Variants in AKR1C2 observed in about 807,000 individuals in gnomAD.
AKR1C2 encodes the protein aldo-keto reductase family 1 member C2.
In AKR1C2, 27 loss-of-function variants were observed where a neutral mutation model predicts 39.8. That is an observed-to-expected ratio of 0.68 (90% CI 0.50 to 0.93). The LOEUF (loss-of-function observed/expected upper bound fraction) is 0.93, where lower values mean the gene tolerates loss of function less well. Among genes scored for constraint, AKR1C2 ranks in the 40% least tolerant of loss-of-function variants. AKR1C2 has a pLI of 0.00. For missense variants in AKR1C2, 263 were observed against 365.1 expected (o/e 0.72, Z 2.28); for synonymous variants, 114 against 137.9 (o/e 0.83, Z 1.22).
upstream of AKR1C2, among the ~76,000 whole-genome samples, chr10:5,006,899 G>C (rs1335126614): frequency 2.5e-4 from 38 of 151,294 alleles, no homozygotes; most frequent in African/African-American, 8.3e-4. Flanking sequence ...TCAGCCTCCT[G>C]AGTAGCTGGG....
chr10:4,990,917 A>G (rs1836818901), intron 8 of AKR1C2, among the ~76,000 whole-genome samples: 1 of 151,302 alleles, frequency 6.6e-6, no homozygotes, highest in Admixed American at 6.6e-5. Flanking sequence ...ATAAAATACT[A>G]CTAATAATAT....
Position 4,999,225 on chromosome 10 carries a change from G to T in AKR1C2, c.422C>A (p.Thr141Lys), listed in dbSNP as rs781923006. The change falls in exon 4 of 9, where the codon ACA (threonine) becomes AAA (lysine). Residue 141 changes from threonine (T) to lysine (K), a missense_variant. By Grantham distance (78) the Thr-to-Lys change is moderately conservative. Transcript: ENST00000380753. ...CTCCCATGTGGCACAGAGATCCACT[G>T]TGTCAAATAGTATTTTTCCATTTTC... ...KDENGKILFD[T>K]VDLCATWEAM... 1 of 1,608,170 alleles carries T rather than the reference G, an allele frequency of 6.2e-7. No individual in the cohort carries two copies. The highest frequency in any genetic ancestry group is 1.7e-5 in the Admixed American group (1 of 59,084).
chr10:5,016,490 C>A (rs781786238), intron 1 of AKR1C2, among the ~76,000 whole-genome samples: 54 of 152,222 alleles, frequency 3.5e-4, no homozygotes, highest in Non-Finnish European at 5.6e-4. Flanking sequence ...CTCCATGTCT[C>A]ATATCAAGGC....
chr10:4,996,341 T>G (rs577597857), intron 5 of AKR1C2, among the ~76,000 whole-genome samples: 1 of 151,824 alleles, frequency 6.6e-6, no homozygotes, highest in East Asian at 1.9e-4. Context: ...TATATCTATA[T>G]AGATGAACTA....
chr10:5,012,128 C>T (rs1262563944), intron 1 of AKR1C2, among the ~76,000 whole-genome samples: 1 of 151,918 alleles, frequency 6.6e-6, no homozygotes, highest in African/African-American at 2.4e-5. Flanking sequence ...GATATCAGAG[C>T]TAAGGAACAG....
chr10:5,006,004 G>A (rs537831044), upstream of AKR1C2: 4 of 152,298 alleles, frequency 2.6e-5, no homozygotes, highest in Admixed American at 1.3e-4. Context: ...TGAGCAGGAT[G>A]AAGATATAAT....
intron 8 of AKR1C2, among the ~76,000 whole-genome samples, chr10:4,990,779 A>G (rs1461787020): frequency 1.3e-5 from 2 of 152,056 alleles, no homozygotes; most frequent in African/African-American, 2.4e-5. Context: ...TGAGTTCTAC[A>G]AAATAACACT....
At chr10:4,990,578 C>T (rs1350107550) in intron 8 of AKR1C2, among the ~76,000 whole-genome samples, 1 of 151,914 alleles carries the variant, frequency 6.6e-6, no homozygotes, top group Non-Finnish European at 1.5e-5. Flanking sequence ...TGTTATAGGG[C>T]CCAATATTCA....
At chr10:4,993,982 CAATT>C (rs1264358922) in intron 7 of AKR1C2, among the ~76,000 whole-genome samples, 2 of 151,650 alleles carry the variant, frequency 1.3e-5, no homozygotes, top group African/African-American at 2.4e-5. Flanking sequence ...CTAGATTCAT[CAATT>C]GTTTCATTAT....
intron 7 of AKR1C2, among the ~76,000 whole-genome samples, chr10:4,994,538 G>C (rs1277058295): frequency 6.6e-6 from 1 of 152,136 alleles, no homozygotes; most frequent in East Asian, 1.9e-4. Flanking sequence ...AAAAGGCTTT[G>C]CACATGTCCA....
Position 5,003,819 on chromosome 10 carries a change from T to C in AKR1C2, c.17A>G (p.Gln6Arg), listed in dbSNP as rs1391527967. 6 of 1,614,010 alleles carry C rather than the reference T, an allele frequency of 3.7e-6. No individual in the cohort carries two copies. The highest frequency in any genetic ancestry group is 5.1e-6 in the Non-Finnish European group (6 of 1,179,992). Residue 6 changes from glutamine to arginine, a missense_variant, in exon 1 of 9, where the codon CAG becomes CGG. Physicochemically the swap from Gln to Arg is conservative, Grantham distance 43. This residue lies in a region of AKR1C2 where 247 missense variants were observed against 267.9 expected (regional missense o/e 0.92). Coordinates refer to ENST00000380753, the MANE Select transcript of AKR1C2 (RefSeq NM_001393392.1). Reference sequence around the variant, plus strand: ...GTGACCATCATTCAGCTTCACACACTGGTATTTCGAATCCATTTCTGTCAC... The same window carrying C: ...GTGACCATCATTCAGCTTCACACACCGGTATTTCGAATCCATTTCTGTCAC... MDSKYQCVKLNDGHFM... is the reference protein window; with the variant it reads MDSKYRCVKLNDGHFM...
intron 5 of AKR1C2, among the ~76,000 whole-genome samples, 181 bp downstream of exon 5, chr10:4,998,444 T>G (rs1554773390): frequency 6.6e-6 from 1 of 152,228 alleles, no homozygotes; most frequent in Non-Finnish European, 1.5e-5. Context: ...CAACACCTTT[T>G]CGTAAGACTT....
At chr10:5,012,044 A>G (rs1365017716) in intron 1 of AKR1C2, among the ~76,000 whole-genome samples, 4 of 152,104 alleles carry the variant, frequency 2.6e-5, no homozygotes, top group African/African-American at 9.7e-5. Flanking sequence ...GATATTCACA[A>G]ATCCTGGGAG....
chr10:5,007,418 A>C (rs1837427968), upstream of AKR1C2: 1 of 152,032 alleles, frequency 6.6e-6, no homozygotes. Context: ...TGTGGAAAAG[A>C]AGTTTCTGTA....
intron 1 of AKR1C2, 118 bp from the exon 2 acceptor site, chr10:5,001,799 G>A: frequency 1.5e-6 from 2 of 1,348,056 alleles, no homozygotes; most frequent in Non-Finnish European, 2.1e-6. Context: ...AGCTCTGTAT[G>A]TAGAATCATA....
intron 5 of AKR1C2, chr10:4,996,289 A>T (rs78379963): frequency 0.17 from 30,917 of 185,882 alleles, 3,773 homozygotes; most frequent in East Asian, 0.54. Context: ...TATGTTTTCT[A>T]ATTGATCTGA....
At chr10:5,014,511 G>T (rs1265772902) in intron 1 of AKR1C2, among the ~76,000 whole-genome samples, 1 of 151,660 alleles carries the variant, frequency 6.6e-6, no homozygotes, top group Admixed American at 6.6e-5. Context: ...TCCAAACCAC[G>T]CCTTCATCAT....
Position 4,992,190 on chromosome 10 carries a change from T to C in AKR1C2, c.847-277A>G, listed in dbSNP as rs113218277. On this transcript the variant is annotated intron_variant, in intron 7 of 8. Coordinates refer to ENST00000380753, the MANE Select transcript of AKR1C2 (RefSeq NM_001393392.1). ...GCTGAAGAAGAAACAGAGCTTACTT[T>C]GTGCCCACATGATAGGGCCATGTAC... Among the ~76,000 whole-genome samples, 2,478 of 150,502 alleles carry C rather than the reference T, an allele frequency of 0.016. 94 individuals carry two copies. Among genetic ancestry groups the C allele is most frequent in the African/African-American group, 0.058 (2,359 of 40,958 alleles).
chr10:5,010,404 A>G (rs1837495540), intron 1 of AKR1C2: 1 of 100,448 alleles, frequency 1.0e-5, no homozygotes, highest in South Asian at 3.4e-4. Flanking sequence ...GTCGCCCAGG[A>G]GAGTCTGTAA....
Sources: allele counts gnomAD v4.1 joint callset (sites outside exome capture counted in the v4.1 genomes callset), GRCh38; gene constraint gnomAD v4.1.1; regional missense constraint gnomAD v4.1.1; transcripts MANE v1.5; gene names NCBI Gene and HGNC (gene_info 2026-07-23, HGNC 2026-07-21).